ROBO1: variants seen among roughly 807,000 people sequenced by gnomAD.
ROBO1 encodes the protein roundabout guidance receptor 1, also known as roundabout homolog 1.
ROBO1 carries 149 observed loss-of-function variants against 195.9 expected under a neutral mutation model. That is an observed-to-expected ratio of 0.76 (90% CI 0.67 to 0.87). ROBO1 has a LOEUF of 0.87. Ranked by LOEUF, ROBO1 falls within the 40% of genes least tolerant of loss-of-function variation. The pLI, the probability that ROBO1 is intolerant of heterozygous loss-of-function variation, is 0.00. For missense variants in ROBO1, 1,933 were observed against 2,068.3 expected (o/e 0.93, Z 1.27); for synonymous variants, 816 against 733.2 (o/e 1.11, Z -1.82).
intron 4 of ROBO1, among the ~76,000 whole-genome samples, chr3:78,839,444 T>C (rs1003132990): frequency 1.3e-5 from 2 of 151,512 alleles, no homozygotes; most frequent in Admixed American, 6.6e-5. Context: ...ATATTTTTTT[T>C]CATTACTATG....
chr3:79,767,741 C>G lies in ROBO1; in HGVS notation c.-51+11G>C, dbSNP rs9861471. ...GCTGTCACTTCCCTTGCAACCATTT[C>G]CGAGACTTACCCTTCCATAAGACTG... On this transcript the variant is annotated intron_variant, in intron 1 of 30. Transcript: ENST00000464233. The G allele has an allele frequency of 0.68, 103,525 of 152,066 alleles. 35,408 individuals are homozygous for G. Among genetic ancestry groups the G allele is most frequent in the Middle Eastern group, 0.75 (220 of 292 alleles). The allele number at this position is 152,066 out of a possible 1,614,324, so 9.4% of individuals were successfully genotyped here. A position where few individuals can be genotyped will look rare whatever the true frequency, so the allele number is the denominator to read the frequency against.
chr3:79,736,003 T>C (rs1320468386), intron 1 of ROBO1, among the ~76,000 whole-genome samples: 1 of 151,064 alleles, frequency 6.6e-6, no homozygotes, highest in Non-Finnish European at 1.5e-5. Flanking sequence ...AAAAGAAAAA[T>C]AAGATTTTGT....
intron 3 of ROBO1, among the ~76,000 whole-genome samples, chr3:78,965,678 A>T (rs1160471504): frequency 6.6e-6 from 1 of 152,142 alleles, no homozygotes; most frequent in Non-Finnish European, 1.5e-5. Context: ...TTAATATAAA[A>T]CTCACTTTTA....
intron 5 of ROBO1, among the ~76,000 whole-genome samples, chr3:78,736,753 C>G (rs1378283530): frequency 6.6e-6 from 1 of 152,142 alleles, no homozygotes; most frequent in Non-Finnish European, 1.5e-5. Context: ...GCAATCCTTT[C>G]AAAAGAGTGC....
At position 78,607,008 on chromosome 3, in the gene ROBO1, A is replaced by C; in HGVS notation, c.4469T>G (p.Ile1490Arg). 1 of 1,612,710 alleles carries C rather than the reference A, an allele frequency of 6.2e-7. No individual in the cohort carries two copies. The highest frequency in any genetic ancestry group is 8.5e-7 in the Non-Finnish European group (1 of 1,178,838). The change falls in exon 29 of 31, where the codon ATA becomes AGA. Residue 1490 changes from isoleucine (I) to arginine (R), a missense_variant. Ile to Arg is a moderately conservative substitution (Grantham distance 97). Transcript: ENST00000464233. Reference sequence around the variant, plus strand: ...CTTGGATTGGGCAGTAGGTGACTTTATAGCAGGTGGCGGCACAGGAGGTGG... The same window carrying C: ...CTTGGATTGGGCAGTAGGTGACTTTCTAGCAGGTGGCGGCACAGGAGGTGG... ...LPPPPVPPPA[I>R]KSPTAQSKTQ...
At chr3:79,337,291 C>G (rs2109206781) in intron 2 of ROBO1, among the ~76,000 whole-genome samples, 1 of 152,214 alleles carries the variant, frequency 6.6e-6, no homozygotes. Context: ...GTGTTCCCAC[C>G]CACAATCTCA....
rs564119856 is a variant in ROBO1 at position 78,674,990 on chromosome 3, CATT to C, written c.1343-4692_1343-4690del. Among the ~76,000 whole-genome samples, 841 of 152,032 alleles carry C rather than the reference CATT, an allele frequency of 5.5e-3. 5 individuals carry two copies. Among genetic ancestry groups the C allele is most frequent in the African/African-American group, 0.019 (799 of 41,466 alleles). ...TTTAATGGCTGTAATGTACTTAAGA[CATT>C]ATAAAAATATTTTAGGTCATACTAG... On this transcript the variant is annotated intron_variant, in intron 10 of 30. Coordinates refer to ENST00000464233, the MANE Select transcript of ROBO1 (RefSeq NM_002941.4).
chr3:79,666,026 T>C (rs918569687), intron 1 of ROBO1, among the ~76,000 whole-genome samples: 1 of 151,922 alleles, frequency 6.6e-6, no homozygotes, highest in African/African-American at 2.4e-5. Context: ...AGAAAAGTTA[T>C]CTAAAATAAA....
chr3:78,912,571 C>CT (rs2038310712), intron 4 of ROBO1, among the ~76,000 whole-genome samples: 2 of 152,126 alleles, frequency 1.3e-5, no homozygotes, highest in Non-Finnish European at 2.9e-5. Flanking sequence ...GGTGTTAAAG[C>CT]TGAGTCTCAG....
At chr3:79,628,187 A>G (rs1249455529) in intron 1 of ROBO1, among the ~76,000 whole-genome samples, 2 of 152,220 alleles carry the variant, frequency 1.3e-5, no homozygotes, top group East Asian at 3.8e-4. Context: ...ATGTACACAT[A>G]TGTTTATTGC....
At chr3:79,627,973 G>A (rs1945228973) in intron 1 of ROBO1, among the ~76,000 whole-genome samples, 1 of 151,944 alleles carries the variant, frequency 6.6e-6, no homozygotes, top group South Asian at 2.1e-4. Flanking sequence ...TTATCAAAAT[G>A]TCAGGAAACA....
At chr3:78,686,740 G>C (rs1034411902) in intron 9 of ROBO1, among the ~76,000 whole-genome samples, 1 of 151,956 alleles carries the variant, frequency 6.6e-6, no homozygotes, top group Non-Finnish European at 1.5e-5. Context: ...TACCATTTTG[G>C]CACCACAATA....
Position 79,247,333 on chromosome 3 carries a change from C to T in ROBO1, c.89-121794G>A, listed in dbSNP as rs559602160. Among the ~76,000 whole-genome samples the T allele has an allele frequency of 2.1e-4, 31 of 149,320 alleles. No individual in the cohort carries two copies. The South Asian group carries it at 2.4e-3, about 11-fold the overall frequency. On this transcript the variant is annotated intron_variant, in intron 2 of 30. Coordinates refer to ENST00000464233, the MANE Select transcript of ROBO1 (RefSeq NM_002941.4). ...TACTACTACTGTCTTAACTGTCAGA[C>T]GCCATACTAGAACCACCAATGGCAG...
intron 10 of ROBO1, among the ~76,000 whole-genome samples, chr3:78,680,877 T>C (rs2080885200): frequency 6.7e-6 from 1 of 149,130 alleles, no homozygotes; most frequent in South Asian, 2.1e-4. Flanking sequence ...TAAAGACACA[T>C]GCACACGTGT....
chr3:79,268,080 T>A (rs1371716431), intron 2 of ROBO1, among the ~76,000 whole-genome samples: 1 of 151,732 alleles, frequency 6.6e-6, no homozygotes, highest in Non-Finnish European at 1.5e-5. Context: ...TCAAGTTTTC[T>A]CTTGCAAATG....
At chr3:79,342,777 A>G (rs190416558) in intron 2 of ROBO1, among the ~76,000 whole-genome samples, 65 of 152,296 alleles carry the variant, frequency 4.3e-4, no homozygotes, top group African/African-American at 1.3e-3. Flanking sequence ...CTTTAGGTAT[A>G]TGTATAGCTT....
At chr3:78,911,655 G>T (rs2038248063) in intron 4 of ROBO1, among the ~76,000 whole-genome samples, 1 of 151,966 alleles carries the variant, frequency 6.6e-6, no homozygotes, top group Non-Finnish European at 1.5e-5. Context: ...TTGCCTTTGG[G>T]GAATTTTGAG....
At chr3:78,711,376 TTCCTTCCTTCCTTCCTTC>T (rs2081714673) in intron 8 of ROBO1, among the ~76,000 whole-genome samples, 6 of 29,012 alleles carry the variant, frequency 2.1e-4, no homozygotes, top group Non-Finnish European at 2.9e-4. Context: ...CCTTCCTTCC[TTCCTTCCTTCCTTCCTTC>T]CTTCCTTTCT....
chr3:78,759,084 G>C (rs79815098), intron 4 of ROBO1: 1 of 152,382 alleles, frequency 6.6e-6, no homozygotes, highest in Admixed American at 6.5e-5. Flanking sequence ...TGTGGGATTC[G>C]TGGTGGCGCC....
Sources: allele counts gnomAD v4.1 joint callset (sites outside exome capture counted in the v4.1 genomes callset), GRCh38; gene constraint gnomAD v4.1.1; transcripts MANE v1.5; gene names NCBI Gene and HGNC (gene_info 2026-07-23, HGNC 2026-07-21).